The following CDH13 variants were observed in gnomAD, a reference collection of about 807,000 sequenced individuals.
CDH13 encodes cadherin 13.
A neutral mutation model predicts 63.8 loss-of-function variants in CDH13; 24 were observed. The ratio of observed to expected loss-of-function variants is 0.38; its 90% CI spans 0.27 to 0.53. The LOEUF (loss-of-function observed/expected upper bound fraction) is 0.53, where lower values mean the gene tolerates loss of function less well. Among genes scored for constraint, CDH13 ranks in the 20% least tolerant of loss-of-function variants. The pLI, the probability that CDH13 is intolerant of heterozygous loss-of-function variation, is 0.85. For missense variants in CDH13, 1,049 were observed against 903.1 expected, an observed-to-expected ratio of 1.16 and a Z score of -2.07; for synonymous variants, 503 against 355.3, an observed-to-expected ratio of 1.42 and a Z score of -4.67.
intron 7 of CDH13, among the ~76,000 whole-genome samples, chr16:83,556,189 C>A (rs1023674041): frequency 1.3e-5 from 2 of 152,200 alleles, no homozygotes; most frequent in Non-Finnish European, 2.9e-5. Context: ...CAATTTGGGT[C>A]TAGCATCAAA....
At chr16:83,466,688 G>T (rs1447357092) in intron 6 of CDH13, among the ~76,000 whole-genome samples, 1 of 152,148 alleles carries the variant, frequency 6.6e-6, no homozygotes, top group Non-Finnish European at 1.5e-5. Context: ...CAAATCTCCT[G>T]GTCGACCTCT....
chr16:83,169,369 A>G (rs1310916250), intron 4 of CDH13, among the ~76,000 whole-genome samples: 1 of 151,760 alleles, frequency 6.6e-6, no homozygotes, highest in African/African-American at 2.4e-5. Flanking sequence ...TAGAGACAGG[A>G]TTTCACCATA....
At chr16:83,542,838 T>C (rs549188518) in intron 7 of CDH13, among the ~76,000 whole-genome samples, 3 of 152,364 alleles carry the variant, frequency 2.0e-5, no homozygotes, top group Admixed American at 2.0e-4. Flanking sequence ...TCATATTGGC[T>C]TAGGGCCCGT....
chr16:83,418,797 C>G (rs2071628164), intron 6 of CDH13, among the ~76,000 whole-genome samples: 1 of 152,138 alleles, frequency 6.6e-6, no homozygotes, highest in Non-Finnish European at 1.5e-5. Context: ...CAGGAGAAGA[C>G]CTAGAGTTCA....
At chr16:83,398,013 G>GA (rs889914365) in intron 6 of CDH13, 6 of 130,436 alleles carry the variant, frequency 4.6e-5, no homozygotes, top group Non-Finnish European at 8.5e-5. Context: ...CTGTCCTGGG[G>GA]AAAAAATACC....
chr16:82,779,647 G>A (rs978870581), intron 1 of CDH13, among the ~76,000 whole-genome samples: 3 of 152,160 alleles, frequency 2.0e-5, no homozygotes, highest in South Asian at 2.1e-4. Context: ...ACCTGTAACC[G>A]ACAGCTCTCC....
chr16:83,173,968 C>T (rs1271605804), intron 4 of CDH13, among the ~76,000 whole-genome samples: 1 of 152,092 alleles, frequency 6.6e-6, no homozygotes, highest in Non-Finnish European at 1.5e-5. Context: ...GCCAGTATCA[C>T]ACCAGCATGT....
At chr16:83,620,003 G>T (rs1045262751) in intron 8 of CDH13, among the ~76,000 whole-genome samples, 1 of 152,212 alleles carries the variant, frequency 6.6e-6, no homozygotes, top group African/African-American at 2.4e-5. Context: ...AGGGTGTGAG[G>T]CTGGAGAGGG....
At chr16:83,647,405 C>A (rs903443792) in intron 8 of CDH13, among the ~76,000 whole-genome samples, 1 of 152,042 alleles carries the variant, frequency 6.6e-6, no homozygotes, top group African/African-American at 2.4e-5. Context: ...AGGAGGCTTA[C>A]CTTTCTGTTT....
intron 10 of CDH13, among the ~76,000 whole-genome samples, chr16:83,727,342 AG>A (rs1910529955): frequency 2.0e-5 from 3 of 152,154 alleles, no homozygotes; most frequent in African/African-American, 7.2e-5. Flanking sequence ...CTGAGTGTTT[AG>A]AGAACAGACA....
At chr16:83,142,179 T>TTTG (rs1567871407) in intron 4 of CDH13, among the ~76,000 whole-genome samples, 2 of 148,438 alleles carry the variant, frequency 1.3e-5, no homozygotes, top group Admixed American at 6.8e-5. Flanking sequence ...TTTTTTTTTT[T>TTTG]GAAATGGAGT....
intron 4 of CDH13, among the ~76,000 whole-genome samples, chr16:83,133,795 G>A (rs536871452): frequency 7.9e-5 from 12 of 152,132 alleles, no homozygotes; most frequent in East Asian, 7.7e-4. Flanking sequence ...CACTGAGCCC[G>A]GCCCATGGAA....
chr16:83,089,707 T>C lies in CDH13; in HGVS notation c.367-35678T>C, dbSNP rs536805117. ...TTCGAGTCTGAATGTTTATTTGCCA[T>C]GGACTTCTATCTCACGACTTTGCTA... On this transcript the variant is annotated intron_variant, in intron 3 of 13. Transcript: ENST00000567109. Among the ~76,000 whole-genome samples, 124 of 152,366 alleles carry C rather than the reference T, an allele frequency of 8.1e-4. 1 individual carries two copies. Among genetic ancestry groups the C allele is most frequent in the African/African-American group, 2.8e-3 (117 of 41,582 alleles).
At chr16:83,094,810 C>T (rs151211060) in intron 3 of CDH13, among the ~76,000 whole-genome samples, 14 of 152,260 alleles carry the variant, frequency 9.2e-5, no homozygotes, top group South Asian at 2.1e-4. Flanking sequence ...CGTGGGCATA[C>T]GCAATTTTTT....
chr16:83,287,304 G>A (rs565996122), intron 5 of CDH13, among the ~76,000 whole-genome samples: 2 of 152,298 alleles, frequency 1.3e-5, no homozygotes, highest in South Asian at 2.1e-4. Flanking sequence ...CAGTAAGAGC[G>A]GGGGTCCTCA....
chr16:83,178,718 G>A (rs1172883860), intron 4 of CDH13, among the ~76,000 whole-genome samples: 1 of 152,110 alleles, frequency 6.6e-6, no homozygotes, highest in African/African-American at 2.4e-5. Context: ...GCCTGCTAAT[G>A]ACCCTAACAA....
intron 2 of CDH13, among the ~76,000 whole-genome samples, chr16:83,016,122 G>C (rs1438449861): frequency 6.6e-6 from 1 of 152,128 alleles, no homozygotes; most frequent in Non-Finnish European, 1.5e-5. Flanking sequence ...TATGGCCTAA[G>C]GGATGTAATA....
chr16:83,009,496 G>A (rs1384309292), intron 2 of CDH13, among the ~76,000 whole-genome samples: 3 of 152,070 alleles, frequency 2.0e-5, no homozygotes, highest in African/African-American at 7.2e-5. Context: ...TAGACAGCAG[G>A]CATCATGATT....
At chr16:83,096,138 C>T (rs894999214) in intron 3 of CDH13, among the ~76,000 whole-genome samples, 2 of 152,186 alleles carry the variant, frequency 1.3e-5, no homozygotes, top group Non-Finnish European at 2.9e-5. Context: ...ACAGGTACAA[C>T]TCTGTAAGGG....
Sources: gnomAD v4.1 joint callset for allele counts (sites outside exome capture counted in the v4.1 genomes callset) on GRCh38, gnomAD v4.1.1 for gene constraint, MANE v1.5 for transcripts, NCBI Gene and HGNC (gene_info 2026-07-23, HGNC 2026-07-21) for gene names.